The following AVEN variants were observed in gnomAD, a reference collection of about 807,000 sequenced individuals.
AVEN encodes apoptosis and caspase activation inhibitor, also known as cell death regulator Aven.
Under a neutral mutation model 38.1 loss-of-function variants are expected in AVEN, and 41 were observed. The ratio of observed to expected loss-of-function variants is 1.08; its 90% CI spans 0.84 to 1.40. AVEN has a LOEUF of 1.40. Ranked by LOEUF, AVEN falls within the 40% of genes most tolerant of loss-of-function variation. The probability of loss-of-function intolerance (pLI) is 0.00; values close to 1 mark genes in which losing one functional copy is unlikely to be tolerated. For synonymous variants in AVEN, 206 were observed against 171.8 expected (o/e 1.20, Z -1.56); for missense variants, 605 against 438.8 (o/e 1.38, Z -3.38).
intron 5 of AVEN, among the ~76,000 whole-genome samples, chr15:33,866,936 GT>G (rs200821112): frequency 1.3e-5 from 2 of 150,288 alleles, no homozygotes; most frequent in African/African-American, 4.9e-5. Context: ...TTGCTAGTTG[GT>G]TTTTTTTTCA....
intron 2 of AVEN, among the ~76,000 whole-genome samples, chr15:33,948,874 T>G (rs1373226271): frequency 6.6e-6 from 1 of 152,082 alleles, no homozygotes; most frequent in Non-Finnish European, 1.5e-5. Flanking sequence ...GGATTCATCA[T>G]GATGGCCAGG....
At chr15:33,913,440 C>G (rs1597224126) in intron 2 of AVEN, among the ~76,000 whole-genome samples, 1 of 152,246 alleles carries the variant, frequency 6.6e-6, no homozygotes, top group East Asian at 1.9e-4. Flanking sequence ...GACTGGGGAG[C>G]TCATTACAGA....
chr15:34,026,744 A>G (rs866108346), intron 1 of AVEN, among the ~76,000 whole-genome samples: 2 of 152,192 alleles, frequency 1.3e-5, no homozygotes, highest in Admixed American at 6.5e-5. Context: ...ACTGATATGG[A>G]TATGTGATCA....
intron 1 of AVEN, among the ~76,000 whole-genome samples, chr15:34,014,235 G>A (rs934980497): frequency 6.6e-6 from 1 of 151,756 alleles, no homozygotes; most frequent in South Asian, 2.1e-4. Flanking sequence ...GTGGTGGCAC[G>A]CACCTGTAAC....
intron 4 of AVEN, 49 bp downstream of exon 4, chr15:33,870,886 C>G (rs1890918180): frequency 1.4e-5 from 19 of 1,401,204 alleles, no homozygotes; most frequent in Non-Finnish European, 1.9e-5. Flanking sequence ...CCCTCTTTTT[C>G]TCCTCCTGCC....
chr15:33,998,276 C>G (rs1897014352), intron 2 of AVEN, among the ~76,000 whole-genome samples: 1 of 152,088 alleles, frequency 6.6e-6, no homozygotes, highest in Non-Finnish European at 1.5e-5. Flanking sequence ...ATTTTTGTCC[C>G]CTTTTCTGGA....
At chr15:33,924,357 G>A (rs62014486) in intron 2 of AVEN, among the ~76,000 whole-genome samples, 103,159 of 149,254 alleles carry the variant, frequency 0.69, 35,954 homozygotes, top group East Asian at 0.76. Context: ...GTGACAGAGC[G>A]AGACTGTCTC....
rs575214707 is a variant in AVEN at position 33,901,678 on chromosome 15, A to G, written c.446-25683T>C. On this transcript the variant is annotated intron_variant, in intron 2 of 5. Transcript: ENST00000306730. ...TTCTCAACACCTCACCAACATTTAC[A>G]TCTTGACTTTTTTATAACAGCCATC... 8.5e-5 allele frequency among the ~76,000 whole-genome samples: 13 copies of G among 152,226 alleles called. No homozygotes were observed. The South Asian group carries it at 2.1e-3, about 24-fold the overall frequency.
chr15:33,983,164 G>GTGTA lies in AVEN; in HGVS notation c.445+19867_445+19868insTACA, dbSNP rs1555512757. 3.9e-3 allele frequency among the ~76,000 whole-genome samples: 440 copies of GTGTA among 111,572 alleles called. 1 individual carries two copies. Among genetic ancestry groups the GTGTA allele is most frequent in the African/African-American group, 0.02 (401 of 20,010 alleles). 73.2% of individuals were successfully genotyped at this position (111,572 alleles called of 152,430 possible). A position where few individuals can be genotyped will look rare whatever the true frequency, so the allele number is the denominator to read the frequency against. On this transcript the variant is annotated intron_variant, in intron 2 of 5. Coordinates refer to ENST00000306730, the MANE Select transcript of AVEN (RefSeq NM_020371.3). ...TGTGTGTGTGTGTGTGTGTGTATGT[G>GTGTA]TGTGTGTATATATACACACGTGTGT...
In AVEN at chr15:33,867,773, G is replaced by A. The variant is rs773943038; in HGVS notation, c.695C>T (p.Pro232Leu). ...GKGLGMQLKG[P>L]LGPGGRGPIF... is the part of the protein sequence containing the mutation. ...GGGCCCCCTTCCTCCAGGCCCCAAG[G>A]GCCCCTTTAACTGCATCCCTAATCC... Residue 232 changes from proline (P) to leucine (L), a missense_variant, in exon 5 of 6, where the codon CCC becomes CTC. Pro to Leu is a moderately conservative substitution (Grantham distance 98). Transcript: ENST00000306730. The A allele has an allele frequency of 2.5e-6, 4 of 1,613,974 alleles. No individual in the cohort carries two copies. In the African/African-American group the frequency reaches 4.0e-5, roughly 16 times the overall value.
chr15:33,995,810 T>G, intron 2 of AVEN, among the ~76,000 whole-genome samples: 1 of 152,186 alleles, frequency 6.6e-6, no homozygotes, highest in South Asian at 2.1e-4. Flanking sequence ...AGGTACCTGG[T>G]TCATCTCATT....
intron 2 of AVEN, among the ~76,000 whole-genome samples, chr15:33,993,035 A>G (rs1190897762): frequency 6.6e-6 from 1 of 152,228 alleles, no homozygotes; most frequent in Non-Finnish European, 1.5e-5. Flanking sequence ...CGTTTTCTTC[A>G]ATATTGATCC....
intron 5 of AVEN, among the ~76,000 whole-genome samples, chr15:34,055,329 C>A (rs1300517169): frequency 4.0e-5 from 6 of 151,886 alleles, no homozygotes; most frequent in Non-Finnish European, 8.8e-5. Context: ...TAAACCCCAT[C>A]TCTACTAAAA....
At chr15:33,961,897 GA>G (rs986874877) in intron 2 of AVEN, among the ~76,000 whole-genome samples, 1 of 145,258 alleles carries the variant, frequency 6.9e-6, no homozygotes, top group Non-Finnish European at 1.5e-5. Context: ...GTATAACCAA[GA>G]AATCTTTTTA....
chr15:33,877,307 T>C (rs1891279294), intron 2 of AVEN, among the ~76,000 whole-genome samples: 1 of 152,142 alleles, frequency 6.6e-6, no homozygotes, highest in Admixed American at 6.5e-5. Flanking sequence ...TAACATTTTT[T>C]TAAAAAGAGC....
At chr15:33,864,025 A>G (rs1366917979), downstream of AVEN, 1 of 689,638 alleles carries the variant, frequency 1.5e-6, no homozygotes, top group Admixed American at 2.4e-5. Flanking sequence ...CATTTAAGTC[A>G]CTGTAGATAG....
At chr15:34,027,758 T>C (rs1465589219) in intron 1 of AVEN, among the ~76,000 whole-genome samples, 1 of 151,030 alleles carries the variant, frequency 6.6e-6, no homozygotes, top group Non-Finnish European at 1.5e-5. Flanking sequence ...ACCAGAGAGT[T>C]TGTCAAAAAC....
At chr15:34,008,690 G>A (rs28870091) in intron 1 of AVEN, among the ~76,000 whole-genome samples, 71,338 of 151,432 alleles carry the variant, frequency 0.47, 20,160 homozygotes, top group Non-Finnish European at 0.63. Context: ...GGGTTTCACC[G>A]TGTTAGCCAG....
chr15:33,931,852 G>A (rs1035035378), intron 2 of AVEN, among the ~76,000 whole-genome samples: 1 of 152,100 alleles, frequency 6.6e-6, no homozygotes, highest in Non-Finnish European at 1.5e-5. Context: ...TAGTTGATTT[G>A]CAATTGGGAA....
Sources: gnomAD v4.1 joint callset for allele counts (sites outside exome capture counted in the v4.1 genomes callset) on GRCh38, gnomAD v4.1.1 for gene constraint, MANE v1.5 for transcripts, NCBI Gene and HGNC (gene_info 2026-07-23, HGNC 2026-07-21) for gene names.